The following TAMM41 variants were observed in gnomAD, a reference collection of about 807,000 sequenced individuals.
TAMM41 encodes phosphatidate cytidylyltransferase, mitochondrial.
In TAMM41, 36 loss-of-function variants were observed where a neutral mutation model predicts 44.1. That is an observed-to-expected ratio of 0.82 (90% CI 0.63 to 1.08). The LOEUF (loss-of-function observed/expected upper bound fraction) is 1.08, where lower values mean the gene tolerates loss of function less well. Ranked by LOEUF, TAMM41 falls within the 50% of genes least tolerant of loss-of-function variation. The pLI is 0.00. For synonymous variants in TAMM41, 164 were observed against 153.1 expected (o/e 1.07, Z -0.53); for missense variants, 417 against 404.3 (o/e 1.03, Z -0.27).
In TAMM41 at chr3:11,807,540, A is replaced by T. The variant is rs1300501368; in HGVS notation, c.937+293T>A. The T allele has an allele frequency of 5.2e-6, 8 of 1,536,078 alleles. No homozygotes were observed. In the East Asian group the frequency reaches 1.5e-4, roughly 28 times the overall value. On this transcript the variant is annotated intron_variant, in intron 7 of 7. Coordinates refer to ENST00000455809, the MANE Select transcript of TAMM41 (RefSeq NM_001284401.2). ...GTTTTTGCAATCCTATGCATCTGTA[A>T]CTTTGATAAATAAAACAATATGAGG...
At chr3:11,747,119 G>A in the TAMM41 span, among the ~76,000 whole-genome samples, 1 of 152,044 alleles carries the variant, frequency 6.6e-6, no homozygotes, top group Non-Finnish European at 1.5e-5. Context: ...CTGGAGTGTA[G>A]TGGTGTAATC....
intron 7 of TAMM41, among the ~76,000 whole-genome samples, chr3:11,802,186 G>A (rs570793453): frequency 7.7e-4 from 117 of 152,290 alleles, no homozygotes; most frequent in Non-Finnish European, 1.3e-3. Context: ...CCACTGCACC[G>A]TGTAGCCTGA....
intron 7 of TAMM41, among the ~76,000 whole-genome samples, chr3:11,796,746 A>C (rs1297086148): frequency 6.6e-6 from 1 of 152,150 alleles, no homozygotes; most frequent in Non-Finnish European, 1.5e-5. Context: ...CAACAAAAGG[A>C]CTCATAAAGA....
chr3:11,813,588 C>A (rs750558505), intron 5 of TAMM41, among the ~76,000 whole-genome samples: 4 of 151,948 alleles, frequency 2.6e-5, no homozygotes, highest in Admixed American at 6.6e-5. Flanking sequence ...ATAGTCAAGC[C>A]CACCAGTTGA....
chr3:11,814,688 C>T lies in TAMM41; in HGVS notation c.708+2504G>A, dbSNP rs139812476. ...ATAGAAAAGGCCCACTGAGGCTGGG[C>T]GCTGTGGCTCACACCAGTTAACCCA... On this transcript the variant is annotated intron_variant, in intron 5 of 7. Coordinates refer to ENST00000455809, the MANE Select transcript of TAMM41 (RefSeq NM_001284401.2). 3.6e-3 allele frequency among the ~76,000 whole-genome samples: 552 copies of T among 152,280 alleles called. 3 individuals carry two copies. Among genetic ancestry groups the T allele is most frequent in the African/African-American group, 0.013 (532 of 41,548 alleles).
the TAMM41 span, among the ~76,000 whole-genome samples, chr3:11,741,613 A>G: frequency 7.3e-5 from 11 of 150,248 alleles, no homozygotes. Context: ...GAAGTGCAAC[A>G]GCAAAACCAG....
At chr3:11,764,990 A>G in the TAMM41 span, among the ~76,000 whole-genome samples, 5 of 152,226 alleles carry the variant, frequency 3.3e-5, no homozygotes, top group Admixed American at 6.5e-5. Context: ...TTTGTGACTC[A>G]GTCAACCACC....
chr3:11,822,328 T>A (rs142832201), intron 4 of TAMM41, among the ~76,000 whole-genome samples: 272 of 152,318 alleles, frequency 1.8e-3, no homozygotes, highest in African/African-American at 6.2e-3. Context: ...ACCATGTAAT[T>A]CATCCATTTA....
At chr3:11,818,667 C>T (rs773489162) in intron 4 of TAMM41, among the ~76,000 whole-genome samples, 1 of 152,092 alleles carries the variant, frequency 6.6e-6, no homozygotes, top group African/African-American at 2.4e-5. Flanking sequence ...GAAGCCGAGG[C>T]AGGCGGATCA....
At chr3:11,843,724 TAAAA>T (rs1168934185) in intron 2 of TAMM41, 29 of 257,896 alleles carry the variant, frequency 1.1e-4, no homozygotes, top group African/African-American at 6.4e-4. Context: ...CTCAAAAAAA[TAAAA>T]AAAATAAAAT....
intron 4 of TAMM41, 77 bp from the exon 5 acceptor site, chr3:11,817,414 T>A: frequency 6.8e-7 from 1 of 1,460,820 alleles, no homozygotes; most frequent in Admixed American, 1.8e-5. Context: ...CTCCCCACAC[T>A]GATACCGCAC....
At chr3:11,789,558 G>A (rs2077438826), downstream of TAMM41, among the ~76,000 whole-genome samples, 1 of 152,228 alleles carries the variant, frequency 6.6e-6, no homozygotes, top group Admixed American at 6.5e-5. Flanking sequence ...CCTGAGGGGA[G>A]GGAAGTTACC....
chr3:11,755,150 T>C, the TAMM41 span, among the ~76,000 whole-genome samples: 1 of 150,744 alleles, frequency 6.6e-6, no homozygotes, highest in Non-Finnish European at 1.5e-5. Context: ...CTTCCTGACT[T>C]TGGCAGACAG....
At chr3:11,768,695 A>T in the TAMM41 span, among the ~76,000 whole-genome samples, 52 of 152,210 alleles carry the variant, frequency 3.4e-4, no homozygotes, top group African/African-American at 1.2e-3. Context: ...TCTGCTTCTG[A>T]CTTATCCAAA....
At chr3:11,767,559 A>G in the TAMM41 span, among the ~76,000 whole-genome samples, 3 of 148,094 alleles carry the variant, frequency 2.0e-5, no homozygotes, top group Non-Finnish European at 3.0e-5. Flanking sequence ...TAGCTTTACT[A>G]TGTTACATTC....
the TAMM41 span, among the ~76,000 whole-genome samples, chr3:11,747,565 T>G: frequency 6.6e-6 from 1 of 151,740 alleles, no homozygotes; most frequent in Non-Finnish European, 1.5e-5. Context: ...GCCCAGGAGT[T>G]CAAGACCCCT....
chr3:11,738,214 T>TA, the TAMM41 span, among the ~76,000 whole-genome samples: 14 of 152,182 alleles, frequency 9.2e-5, no homozygotes, highest in African/African-American at 3.4e-4. Flanking sequence ...AACTCCAGTT[T>TA]CAGAAATCAT....
intron 4 of TAMM41, among the ~76,000 whole-genome samples, chr3:11,821,270 T>C (rs1007663719): frequency 1.3e-5 from 2 of 152,206 alleles, no homozygotes; most frequent in Non-Finnish European, 1.5e-5. Flanking sequence ...AATGAAAGAA[T>C]TATACAACTC....
intron 7 of TAMM41, among the ~76,000 whole-genome samples, chr3:11,792,799 C>T (rs887878015): frequency 7.9e-5 from 12 of 152,174 alleles, no homozygotes; most frequent in Non-Finnish European, 1.2e-4. Context: ...ACATGGCTTA[C>T]AGCCATAATC....
Sources: allele counts gnomAD v4.1 joint callset (sites outside exome capture counted in the v4.1 genomes callset), GRCh38; gene constraint gnomAD v4.1.1; transcripts MANE v1.5; gene names NCBI Gene and HGNC (gene_info 2026-07-23, HGNC 2026-07-21).